The following NCOA2 variants were observed in gnomAD, a reference collection of about 807,000 sequenced individuals.
NCOA2 encodes nuclear receptor coactivator 2.
In NCOA2, 21 loss-of-function variants were observed where a neutral mutation model predicts 145.1. The ratio of observed to expected loss-of-function variants is 0.14; its 90% CI spans 0.10 to 0.21. The LOEUF (loss-of-function observed/expected upper bound fraction) is 0.21, where lower values mean the gene tolerates loss of function less well. Ranked by LOEUF, NCOA2 falls within the 10% of genes least tolerant of loss-of-function variation. The pLI is 1.00. For synonymous variants in NCOA2, 619 were observed against 637.5 expected (o/e 0.97, Z 0.44); for missense variants, 1,472 against 1,837.6 (o/e 0.80, Z 3.64).
chr8:70,170,789 G>A (rs1411671866), intron 5 of NCOA2, among the ~76,000 whole-genome samples: 1 of 152,172 alleles, frequency 6.6e-6, no homozygotes, highest in African/African-American at 2.4e-5. Context: ...AGTTTGTCAT[G>A]TTATACAATG....
At chr8:70,374,808 AAAAG>A (rs1470035776) in intron 1 of NCOA2, among the ~76,000 whole-genome samples, 65 of 152,074 alleles carry the variant, frequency 4.3e-4, no homozygotes, top group South Asian at 1.0e-3. Flanking sequence ...AAAAAAAAAA[AAAAG>A]AAAGAAAAGT....
intron 2 of NCOA2, among the ~76,000 whole-genome samples, chr8:70,268,961 A>AT (rs975103484): frequency 1.2e-4 from 18 of 152,084 alleles, no homozygotes; most frequent in African/African-American, 4.3e-4. Context: ...ATATTTATAG[A>AT]TTTTTCTCCC....
intron 1 of NCOA2, among the ~76,000 whole-genome samples, chr8:70,323,374 T>C (rs1157608502): frequency 6.6e-6 from 1 of 152,156 alleles, no homozygotes; most frequent in East Asian, 1.9e-4. Context: ...GAGAGGCAGT[T>C]ATAAATATAA....
chr8:70,397,090 TC>T (rs1446603405), intron 1 of NCOA2, among the ~76,000 whole-genome samples: 2 of 152,206 alleles, frequency 1.3e-5, no homozygotes, highest in Admixed American at 6.5e-5. Context: ...TGTATCAGGT[TC>T]CTGGCACTCA....
intron 7 of NCOA2, among the ~76,000 whole-genome samples, chr8:70,165,486 GA>G (rs1297621975): frequency 6.6e-6 from 1 of 152,174 alleles, no homozygotes; most frequent in African/African-American, 2.4e-5. Context: ...TGTAGCCGGG[GA>G]TGTTTTCAGT....
chr8:70,210,728 G>A (rs1818929203), intron 4 of NCOA2, among the ~76,000 whole-genome samples: 1 of 152,070 alleles, frequency 6.6e-6, no homozygotes, highest in African/African-American at 2.4e-5. Context: ...ATGCCTGGCT[G>A]ACACGTCATA....
intron 1 of NCOA2, among the ~76,000 whole-genome samples, chr8:70,341,453 G>GGGCAGTC (rs1360990829): frequency 1.3e-5 from 2 of 152,138 alleles, no homozygotes; most frequent in African/African-American, 4.8e-5. Context: ...AACACTACAA[G>GGGCAGTC]GGCAGTCAAT....
rs1471249275 is a variant in NCOA2 at position 70,128,897 on chromosome 8, C to T, written c.3408G>A (p.Gln1136=). The stretch of plus-strand genomic sequence containing the variant: ...GGGCCATTTGTGCCTGAGATGCATA[C>T]TGCTGTGGGAAAACGGGCGCCTTCT... ...LEQKAPVFPQ[Q]YASQAQMAQG... is the part of the protein sequence containing the mutation. The change falls in exon 17 of 23, where the codon CAG becomes CAA. Residue 1136 remains glutamine (Q), a synonymous_variant. Coordinates refer to ENST00000452400, the MANE Select transcript of NCOA2 (RefSeq NM_006540.4). The T allele has an allele frequency of 6.2e-7, 1 of 1,613,770 alleles. No homozygotes were observed. Among genetic ancestry groups the T allele is most frequent in the East Asian group, 2.2e-5 (1 of 44,868 alleles).
chr8:70,377,180 G>C (rs1029651085), intron 1 of NCOA2, among the ~76,000 whole-genome samples: 1 of 150,846 alleles, frequency 6.6e-6, no homozygotes, highest in African/African-American at 2.4e-5. Flanking sequence ...AAACCAAAAT[G>C]AAAAAAATGA....
At chr8:70,430,116 G>C in the NCOA2 span, among the ~76,000 whole-genome samples, 1 of 152,170 alleles carries the variant, frequency 6.6e-6, no homozygotes, top group African/African-American at 2.4e-5. Flanking sequence ...GGTTCCCAAA[G>C]TGCTAGGATT....
intron 4 of NCOA2, among the ~76,000 whole-genome samples, chr8:70,176,096 C>T (rs1023566327): frequency 4.6e-5 from 7 of 152,056 alleles, no homozygotes; most frequent in African/African-American, 9.7e-5. Context: ...ACCTGTCTCC[C>T]GTATATCATG....
At chr8:70,115,672 G>A (rs1807019909) in intron 22 of NCOA2, among the ~76,000 whole-genome samples, 1 of 152,110 alleles carries the variant, frequency 6.6e-6, no homozygotes, top group African/African-American at 2.4e-5. Context: ...AGAGAACCAT[G>A]CTGCTGAGCA....
chr8:70,199,858 G>A (rs1283747338), intron 4 of NCOA2, among the ~76,000 whole-genome samples: 4 of 152,062 alleles, frequency 2.6e-5, no homozygotes, highest in Middle Eastern at 3.2e-3. Flanking sequence ...TAATACTCAC[G>A]CTATCAGGAT....
intron 4 of NCOA2, among the ~76,000 whole-genome samples, chr8:70,187,976 A>G (rs1027147972): frequency 1.3e-5 from 2 of 152,230 alleles, no homozygotes; most frequent in East Asian, 1.9e-4. Flanking sequence ...CTTAGCTTCA[A>G]TGCAGATGCA....
the NCOA2 span, among the ~76,000 whole-genome samples, chr8:70,417,771 G>C: frequency 6.6e-6 from 1 of 152,196 alleles, no homozygotes; most frequent in Non-Finnish European, 1.5e-5. Flanking sequence ...CTAGGGTATA[G>C]AGGACTAAGA....
At position 70,138,318 on chromosome 8, in the gene NCOA2, C is replaced by G. The variant is rs1809979639; in HGVS notation, c.3043G>C (p.Glu1015Gln). Residue 1015 changes from glutamate to glutamine, a missense_variant, in exon 15 of 23, where the codon GAG becomes CAG. Coordinates refer to ENST00000452400, the MANE Select transcript of NCOA2 (RefSeq NM_006540.4). ...QVMNIGPSEL[E>Q]MNMGGPQYSQ... ...TACTGAGGTCCCCCCATGTTCATCTCTAATTCAGATGGCCCTAGAAAGGGA... is the reference window on the plus strand; with the variant it reads ...TACTGAGGTCCCCCCATGTTCATCTGTAATTCAGATGGCCCTAGAAAGGGA... 1 of 1,609,422 alleles carries G rather than the reference C, an allele frequency of 6.2e-7. No homozygotes were observed. The highest frequency in any genetic ancestry group is 1.7e-5 in the Admixed American group (1 of 58,976).
intron 1 of NCOA2, among the ~76,000 whole-genome samples, chr8:70,303,238 G>C (rs1031968684): frequency 6.6e-6 from 1 of 152,186 alleles, no homozygotes; most frequent in Non-Finnish European, 1.5e-5. Context: ...ATAAAGAAAG[G>C]AGGATGGGAG....
intron 1 of NCOA2, among the ~76,000 whole-genome samples, chr8:70,394,712 C>T (rs948143219): frequency 1.3e-5 from 2 of 152,174 alleles, no homozygotes; most frequent in Admixed American, 6.5e-5. Context: ...ATTTTGATGG[C>T]TTTAATCACC....
chr8:70,430,977 T>C, the NCOA2 span, among the ~76,000 whole-genome samples: 1 of 152,190 alleles, frequency 6.6e-6, no homozygotes, highest in Admixed American at 6.5e-5. Flanking sequence ...AGGTCTCCAC[T>C]GATAAATGCT....
Sources: allele counts gnomAD v4.1 joint callset (sites outside exome capture counted in the v4.1 genomes callset), GRCh38; gene constraint gnomAD v4.1.1; transcripts MANE v1.5; gene names NCBI Gene and HGNC (gene_info 2026-07-23, HGNC 2026-07-21).